Variants in LAMA1 observed in about 807,000 individuals in gnomAD.
The protein encoded by LAMA1 is laminin subunit alpha 1.
LAMA1 carries 219 observed loss-of-function variants against 348.7 expected under a neutral mutation model. The observed-to-expected ratio is 0.63, with a 90% CI of 0.56 to 0.70. The LOEUF (loss-of-function observed/expected upper bound fraction) is 0.70, where lower values mean the gene tolerates loss of function less well. Among genes scored for constraint, LAMA1 ranks in the 30% least tolerant of loss-of-function variants. The probability of loss-of-function intolerance (pLI) is 0.00; values close to 1 mark genes in which losing one functional copy is unlikely to be tolerated. For synonymous variants in LAMA1, 1,487 were observed against 1,491.0 expected (o/e 1.00, Z 0.06); for missense variants, 3,744 against 3,888.0 (o/e 0.96, Z 0.99).
chr18:6,979,081 G>C (rs1238108405), intron 42 of LAMA1, among the ~76,000 whole-genome samples: 2 of 152,098 alleles, frequency 1.3e-5, no homozygotes, highest in Admixed American at 6.6e-5. Context: ...AGGGTATACA[G>C]GTGGCCTTTT....
chr18:6,999,682 C>T (rs1443556634), intron 31 of LAMA1, 44 bp from the exon 32 acceptor site: 6 of 1,508,412 alleles, frequency 4.0e-6, no homozygotes, highest in South Asian at 1.2e-5. Context: ...ATGGTCAATA[C>T]CAGCTTCTAA....
chr18:7,055,527 A>C (rs1284639556), intron 3 of LAMA1, among the ~76,000 whole-genome samples: 1 of 150,452 alleles, frequency 6.6e-6, no homozygotes, highest in Non-Finnish European at 1.5e-5. Context: ...CTTGGGAAGG[A>C]AGTTGTTAAT....
intron 16 of LAMA1, among the ~76,000 whole-genome samples, chr18:7,031,828 C>T (rs1039847620): frequency 6.7e-6 from 1 of 148,456 alleles, no homozygotes; most frequent in African/African-American, 2.5e-5. Flanking sequence ...ATAAAAAGAA[C>T]TATAATGAAG....
chr18:6,951,033 CA>C, intron 57 of LAMA1, 62 bp from the exon 58 acceptor site: 1 of 1,421,176 alleles, frequency 7.0e-7, no homozygotes, highest in South Asian at 1.2e-5. Flanking sequence ...TTTAAAACCT[CA>C]AAAGAGGACC....
At chr18:7,076,311 AT>A (rs973858308) in intron 3 of LAMA1, among the ~76,000 whole-genome samples, 1 of 152,236 alleles carries the variant, frequency 6.6e-6, no homozygotes, top group African/African-American at 2.4e-5. Context: ...CCCAGAGAGA[AT>A]TCAAATTTAG....
chr18:7,014,644 A>T (rs2057877876), intron 22 of LAMA1, among the ~76,000 whole-genome samples: 1 of 140,224 alleles, frequency 7.1e-6, no homozygotes, highest in East Asian at 2.1e-4. Flanking sequence ...TGTCTCAATT[A>T]AAAAAAAAAA....
chr18:6,957,970 CG>C (rs1162864708), intron 55 of LAMA1, among the ~76,000 whole-genome samples: 4 of 151,998 alleles, frequency 2.6e-5, no homozygotes, highest in Admixed American at 2.0e-4. Context: ...TTAGTAGAGA[CG>C]GGGTTTCACT....
In LAMA1 at chr18:7,043,080, A is replaced by AAT. The variant is rs995439693; in HGVS notation, c.1155+145_1155+146dup. 48 of 752,646 alleles carry AAT rather than the reference A, an allele frequency of 6.4e-5. No homozygotes were observed. The African/African-American group carries it at 7.6e-4, about 12-fold the overall frequency. The allele number at this position is 752,646 out of a possible 1,614,324, so 46.6% of individuals were successfully genotyped here. A position where few individuals can be genotyped will look rare whatever the true frequency, so the allele number is the denominator to read the frequency against. Reference sequence around the variant, plus strand: ...GCAAGAAAAGCAGGATAGAGTAGGAAATATATATATAAAAACACTACTGGC... The same window carrying AAT: ...GCAAGAAAAGCAGGATAGAGTAGGAAATATATATATATAAAAACACTACTGGC... On this transcript the variant is annotated intron_variant, in intron 8 of 62. Coordinates refer to ENST00000389658, the MANE Select transcript of LAMA1 (RefSeq NM_005559.4).
At chr18:6,972,992 A>G (rs1228653782) in intron 47 of LAMA1, 65 bp downstream of exon 47, 1 of 1,590,914 alleles carries the variant, frequency 6.3e-7, no homozygotes, top group Non-Finnish European at 8.6e-7. Flanking sequence ...CGCCCGGCCC[A>G]TGACTTTTAT....
intron 11 of LAMA1, 145 bp downstream of exon 11, chr18:7,038,665 G>T: frequency 1.8e-6 from 2 of 1,087,284 alleles, no homozygotes; most frequent in Non-Finnish European, 2.8e-6. Flanking sequence ...GCAGACGGCT[G>T]CCTTTGACCC....
At chr18:7,096,479 C>T (rs905374049) in intron 1 of LAMA1, among the ~76,000 whole-genome samples, 6 of 152,032 alleles carry the variant, frequency 3.9e-5, no homozygotes, top group African/African-American at 1.5e-4. Context: ...GAGTACAACA[C>T]CAGCCTGGGT....
intron 51 of LAMA1, 95 bp downstream of exon 51, chr18:6,964,567 T>G: frequency 2.0e-6 from 3 of 1,472,842 alleles, no homozygotes; most frequent in Non-Finnish European, 2.8e-6. Context: ...TTAGTGTTGT[T>G]TAAGCCACCT....
At chr18:6,964,885 A>G in intron 50 of LAMA1, 82 bp from the exon 51 acceptor site, 3 of 1,489,484 alleles carry the variant, frequency 2.0e-6, no homozygotes, top group Admixed American at 1.8e-5. Context: ...CTGGCAACAA[A>G]GCTCATTTAC....
At chr18:6,970,223 A>G in intron 48 of LAMA1, among the ~76,000 whole-genome samples, 1 of 152,164 alleles carries the variant, frequency 6.6e-6, no homozygotes, top group East Asian at 1.9e-4. Flanking sequence ...TCACGAGGCA[A>G]CAGCATTTTT....
Position 6,943,240 on chromosome 18 carries a change from G to C in LAMA1, c.9007C>G (p.Pro3003Ala). Residue 3003 changes from proline (P) to alanine (A), a missense_variant, in exon 62 of 63, where the codon CCA (proline) becomes GCA (alanine). Physicochemically the swap from Pro to Ala is conservative, Grantham distance 27. Around this residue, in one of 3 missense-constraint regions of LAMA1, gnomAD observed 232 missense variants for 264.4 expected, o/e 0.88. Coordinates refer to ENST00000389658, the MANE Select transcript of LAMA1 (RefSeq NM_005559.4). ...TCCACTGAGGTAGACTGGGTGTGTG[G>C]ACTTTCAGCGCCAACTGCGTTCCCG... ...VDGNAVGAES[P>A]HTQSTSVDTN... 1 of 1,614,186 alleles carries C rather than the reference G, an allele frequency of 6.2e-7. No individual in the cohort carries two copies. Among genetic ancestry groups the C allele is most frequent in the Non-Finnish European group, 8.5e-7 (1 of 1,180,044 alleles).
chr18:7,027,703 T>G lies in LAMA1; in HGVS notation c.2275-1597A>C, dbSNP rs182680347. Reference sequence around the variant, plus strand: ...CACGCCTGTAATCCCAGCACTTTGGTAGGCCAAGGCGGGTGGACCACCTGA... The same window carrying G: ...CACGCCTGTAATCCCAGCACTTTGGGAGGCCAAGGCGGGTGGACCACCTGA... On this transcript the variant is annotated intron_variant, in intron 16 of 62. Transcript: ENST00000389658. 6.5e-3 allele frequency among the ~76,000 whole-genome samples: 984 copies of G among 152,178 alleles called. 7 individuals are homozygous for G. The highest frequency in any genetic ancestry group is 0.017 in the Middle Eastern group (5 of 294).
chr18:7,037,637 TGACCGC>T lies in LAMA1; in HGVS notation c.1672_1677del (p.Ala558_Val559del). On this transcript the variant is annotated inframe_deletion, in exon 12 of 63. Transcript: ENST00000389658. ...TAGTACTTGGGAGCCAGTCTCTGCA[TGACCGC>T]GGTGTTGTTGATGCTGACCTGATGG... 1 of 1,614,160 alleles carries T rather than the reference TGACCGC, an allele frequency of 6.2e-7. No homozygotes were observed. Among genetic ancestry groups the T allele is most frequent in the Non-Finnish European group, 8.5e-7 (1 of 1,180,030 alleles).
chr18:7,021,582 C>G (rs1234875788), intron 19 of LAMA1, among the ~76,000 whole-genome samples: 2 of 151,472 alleles, frequency 1.3e-5, no homozygotes, highest in Non-Finnish European at 2.9e-5. Context: ...TGACTCAGTA[C>G]TAAAAAAGAA....
At chr18:6,958,439 A>G in intron 55 of LAMA1, 38 bp downstream of exon 55, 1 of 1,605,304 alleles carries the variant, frequency 6.2e-7, no homozygotes, top group Non-Finnish European at 8.5e-7. Context: ...ATGAAAGGTC[A>G]GAAAGTGCAA....
Sources: gnomAD v4.1 joint callset for allele counts (sites outside exome capture counted in the v4.1 genomes callset) on GRCh38, gnomAD v4.1.1 for gene constraint, gnomAD v4.1.1 regional missense constraint, MANE v1.5 for transcripts, NCBI Gene and HGNC (gene_info 2026-07-23, HGNC 2026-07-21) for gene names.